Variants in ZNF469 observed in about 807,000 individuals in gnomAD.
The protein encoded by ZNF469 is zinc finger protein 469.
Under a neutral mutation model 1.0 loss-of-function variants are expected in ZNF469, and 1 was observed. The ratio of observed to expected loss-of-function variants is 1.00; its 90% confidence interval spans 0.35 to 4.73. ZNF469 has a LOEUF of 4.73. ZNF469 is among the 30% of genes most tolerant of loss of function. The pLI is 0.16. For missense variants in ZNF469, 6,100 were observed against 5,356.3 expected, an observed-to-expected ratio of 1.14 and a Z score of -4.33; for synonymous variants, 2,703 against 2,363.4, an observed-to-expected ratio of 1.14 and a Z score of -4.17.
the ZNF469 span, among the ~76,000 whole-genome samples, chr16:88,199,224 G>T: frequency 6.6e-6 from 1 of 152,238 alleles, no homozygotes; most frequent in African/African-American, 2.4e-5. Context: ...TGACACATTT[G>T]TGAGTGGGTC....
Position 88,436,175 on chromosome 16 carries a change from C to T in ZNF469, c.8705C>T (p.Thr2902Met), listed in dbSNP as rs536725615. 2,244 of 1,547,710 alleles carry T rather than the reference C, an allele frequency of 1.4e-3. 1 individual carries two copies. The highest frequency in any genetic ancestry group is 1.7e-3 in the Non-Finnish European group (2,005 of 1,146,938). ...AGCTTTGAGGAGGGCGGTGACCCCA[C>T]GCTGGGCCCAGCCCGCCTGCCCACG... ...QPSFEEGGDPTLGPARLPTDL... is the reference protein window; with the variant it reads ...QPSFEEGGDPMLGPARLPTDL... The change falls in exon 3 of 3, where the codon ACG (threonine) becomes ATG (methionine). Residue 2902 changes from threonine to methionine, a missense_variant. By Grantham distance (81) the Thr-to-Met change is moderately conservative (BLOSUM62 -1). Transcript: ENST00000565624.
chr16:88,432,272 C>G lies in ZNF469; in HGVS notation c.4802C>G (p.Thr1601Arg). 1 of 1,547,524 alleles carries G rather than the reference C, an allele frequency of 6.5e-7. No homozygotes were observed. Among genetic ancestry groups the G allele is most frequent in the Non-Finnish European group, 8.7e-7 (1 of 1,146,974 alleles). The stretch of plus-strand genomic sequence containing the variant: ...TCGGTGGGCAGGGTGGAGCTCGGCA[C>G]AGGCACAGAGCCACCCTCCCAACGG... ...AESVGRVELG[T>R]GTEPPSQRRT... is the part of the protein sequence containing the mutation. Residue 1601 changes from threonine to arginine, a missense_variant, in exon 3 of 3, where the codon ACA (threonine) becomes AGA (arginine). Coordinates refer to ENST00000565624, the MANE Select transcript of ZNF469 (RefSeq NM_001367624.2).
At chr16:88,287,822 G>A in the ZNF469 span, among the ~76,000 whole-genome samples, 38 of 152,226 alleles carry the variant, frequency 2.5e-4, no homozygotes, top group African/African-American at 7.2e-4. Context: ...TATGGCCAGC[G>A]CTGACTTCAT....
At chr16:88,407,452 G>A (rs769369004) in intron 1 of ZNF469, among the ~76,000 whole-genome samples, 7 of 152,238 alleles carry the variant, frequency 4.6e-5, no homozygotes, top group East Asian at 1.9e-4. Flanking sequence ...GGCCGATGAC[G>A]CACTAATTGA....
intron 1 of ZNF469, among the ~76,000 whole-genome samples, chr16:88,394,773 G>A (rs555326116): frequency 4.6e-5 from 7 of 152,326 alleles, no homozygotes; most frequent in East Asian, 1.9e-4. Flanking sequence ...CTCTCAGAGC[G>A]TGACAACAGC....
upstream of ZNF469, among the ~76,000 whole-genome samples, chr16:88,380,261 G>C (rs1162173445): frequency 9.2e-6 from 1 of 108,524 alleles, no homozygotes; most frequent in East Asian, 3.0e-4. Context: ...ACTCACACAC[G>C]TGCACTCACA....
chr16:88,391,693 C>A (rs1216917660), intron 1 of ZNF469, among the ~76,000 whole-genome samples: 2 of 152,208 alleles, frequency 1.3e-5, no homozygotes, highest in Non-Finnish European at 2.9e-5. Context: ...CGGCAAGCAC[C>A]CGACACATCT....
chr16:88,221,284 A>C, the ZNF469 span, among the ~76,000 whole-genome samples: 19 of 152,142 alleles, frequency 1.2e-4, no homozygotes, highest in Non-Finnish European at 1.9e-4. Flanking sequence ...GATCTATAAA[A>C]ACAGCTTCCC....
the ZNF469 span, among the ~76,000 whole-genome samples, chr16:88,279,053 T>C: frequency 4.9e-4 from 74 of 151,432 alleles, 9 homozygotes; most frequent in East Asian, 0.013. Flanking sequence ...GTCAGTACTG[T>C]GTAGATATCA....
the ZNF469 span, among the ~76,000 whole-genome samples, chr16:88,249,234 AAAAG>A: frequency 6.7e-6 from 1 of 149,774 alleles, no homozygotes; most frequent in Admixed American, 6.7e-5. Flanking sequence ...TTTAAAAAAA[AAAAG>A]AAAGAAAGAA....
the ZNF469 span, among the ~76,000 whole-genome samples, chr16:88,214,835 A>T: frequency 1.3e-5 from 2 of 152,108 alleles, no homozygotes; most frequent in Non-Finnish European, 2.9e-5. Context: ...ACATGAACTC[A>T]TCCTTTTTTA....
At chr16:88,133,786 A>G in the ZNF469 span, among the ~76,000 whole-genome samples, 2 of 152,226 alleles carry the variant, frequency 1.3e-5, no homozygotes, top group African/African-American at 2.4e-5. Context: ...TTCTGATTGT[A>G]CATTATGCAT....
chr16:88,244,745 G>A, the ZNF469 span, among the ~76,000 whole-genome samples: 80 of 74,790 alleles, frequency 1.1e-3, no homozygotes, highest in African/African-American at 2.9e-3. Flanking sequence ...GGGTGGATGG[G>A]TAGCTAAACA....
the ZNF469 span, among the ~76,000 whole-genome samples, chr16:88,109,145 G>A: frequency 5.3e-5 from 8 of 152,170 alleles, no homozygotes; most frequent in African/African-American, 1.2e-4. Flanking sequence ...GTCACCCCAC[G>A]TAATGCCTTC....
At chr16:88,318,085 G>A in the ZNF469 span, among the ~76,000 whole-genome samples, 1 of 152,192 alleles carries the variant, frequency 6.6e-6, no homozygotes, top group South Asian at 2.1e-4. Flanking sequence ...ATGAGGAGAG[G>A]GACCTGCGAT....
chr16:88,291,285 A>G, the ZNF469 span, among the ~76,000 whole-genome samples: 1 of 152,198 alleles, frequency 6.6e-6, no homozygotes, highest in Non-Finnish European at 1.5e-5. Flanking sequence ...CAGGGACTCC[A>G]GGGGCTCGGC....
chr16:88,250,944 C>T, the ZNF469 span, among the ~76,000 whole-genome samples: 1 of 152,194 alleles, frequency 6.6e-6, no homozygotes, highest in African/African-American at 2.4e-5. Flanking sequence ...GCGGCATGAT[C>T]TCGGCTCACT....
the ZNF469 span, among the ~76,000 whole-genome samples, chr16:88,157,147 C>T: frequency 5.3e-5 from 8 of 151,412 alleles, no homozygotes; most frequent in Non-Finnish European, 7.4e-5. Context: ...AGCACCAGGG[C>T]ACACAGGCAG....
chr16:88,218,393 G>T, the ZNF469 span, among the ~76,000 whole-genome samples: 1 of 150,006 alleles, frequency 6.7e-6, no homozygotes, highest in African/African-American at 2.5e-5. Context: ...TTTGTAGGTT[G>T]CCTGTTCACT....
Sources: allele counts gnomAD v4.1 joint callset (sites outside exome capture counted in the v4.1 genomes callset), GRCh38; gene constraint gnomAD v4.1.1; transcripts MANE v1.5; gene names NCBI Gene and HGNC (gene_info 2026-07-23, HGNC 2026-07-21).